TOP3B: variants seen among roughly 807,000 people sequenced by gnomAD.
TOP3B encodes the protein DNA topoisomerase 3-beta-1.
Under a neutral mutation model 93.9 loss-of-function variants are expected in TOP3B, and 45 were observed. The ratio of observed to expected loss-of-function variants is 0.48; its 90% CI spans 0.38 to 0.61. The LOEUF is 0.61. Among genes scored for constraint, TOP3B ranks in the 20% least tolerant of loss-of-function variants. TOP3B has a pLI of 0.00. For missense variants in TOP3B, 750 were observed against 1,156.1 expected (o/e 0.65, Z 5.09); for synonymous variants, 357 against 472.6 (o/e 0.76, Z 3.17).
At chr22:21,964,998 G>GAC in intron 9 of TOP3B, 1 of 297,580 alleles carries the variant, frequency 3.4e-6, no homozygotes. Context: ...AAAGACTGAG[G>GAC]AGATGAGGCT....
At chr22:21,959,520 C>G in intron 15 of TOP3B, 67 bp downstream of exon 15, 1 of 1,535,370 alleles carries the variant, frequency 6.5e-7, no homozygotes. Flanking sequence ...ACCTGGGTCC[C>G]CAGGTACTGG....
Position 21,971,976 on chromosome 22 carries a change from G to A in TOP3B, c.310-25C>T, listed in dbSNP as rs375649167. The A allele has an allele frequency of 2.7e-4, 426 of 1,605,890 alleles. 4 individuals carry two copies. In the Middle Eastern group the frequency reaches 0.011, roughly 42 times the overall value. On this transcript the variant is annotated intron_variant, in intron 4 of 17. Transcript: ENST00000357179. This position sits in a 1 kb window ranked among gnomAD's most constrained non-coding sequence, Gnocchi z 4.6. Reference sequence around the variant, plus strand: ...CCTGCCACACAGCACAGGTTCACACGTACCTGCTGCAGACCCGGTCTGTGC... The same window carrying A: ...CCTGCCACACAGCACAGGTTCACACATACCTGCTGCAGACCCGGTCTGTGC...
rs763337968 is a variant in TOP3B at position 21,960,486 on chromosome 22, T to C, written c.1526-37A>G. ...AAGGCCCCAGGGTTCCTGGCCTGCC[T>C]TGGACATGCCCCACTGAACCATGTG... On this transcript the variant is annotated intron_variant, in intron 13 of 17. Coordinates refer to ENST00000357179, the MANE Select transcript of TOP3B (RefSeq NM_001282112.2). 7 of 1,610,916 alleles carry C rather than the reference T, an allele frequency of 4.3e-6. No homozygotes were observed. In the East Asian group the frequency reaches 1.3e-4, roughly 31 times the overall value.
chr22:21,981,974 C>T (rs748937841), intron 1 of TOP3B, among the ~76,000 whole-genome samples: 3 of 152,098 alleles, frequency 2.0e-5, no homozygotes, highest in Non-Finnish European at 4.4e-5. Context: ...GTAGGCACAC[C>T]ATAGCTATCA....
chr22:21,960,555 C>T, intron 13 of TOP3B, 106 bp from the exon 14 acceptor site: 2 of 1,489,744 alleles, frequency 1.3e-6, no homozygotes, highest in Non-Finnish European at 1.8e-6. Context: ...GGCCCTCTCA[C>T]TGCTCCCGGT....
In TOP3B at chr22:21,970,170, A is replaced by T. The variant is rs201169425; in HGVS notation, c.581+40T>A. The T allele has an allele frequency of 6.3e-7, 1 of 1,589,640 alleles. No individual in the cohort carries two copies. The highest frequency in any genetic ancestry group is 1.1e-5 in the South Asian group (1 of 90,452). On this transcript the variant is annotated intron_variant, in intron 6 of 17. Coordinates refer to ENST00000357179, the MANE Select transcript of TOP3B (RefSeq NM_001282112.2). This position sits in a 1 kb window ranked among gnomAD's most constrained non-coding sequence, Gnocchi z 4.4. ...AGAGGCAGGTCTCTGGCTGAGGGAG[A>T]GTGAGGGTGTGCCCAGGACTCTGCG...
At position 21,958,348 on chromosome 22, in the gene TOP3B, C is replaced by A. The variant is rs1389625236; in HGVS notation, c.2107+144G>T. The A allele has an allele frequency of 2.7e-6, 4 of 1,497,472 alleles. No homozygotes were observed. The East Asian group carries it at 9.7e-5, about 36-fold the overall frequency. The allele number at this position is 1,497,472 out of a possible 1,614,324, so 92.8% of individuals were successfully genotyped here. ...GGCCTAAGCAGTGCCCCAGCTACAT[C>A]CAGGGTCTCTCGTCTCAGTGCCAAT... On this transcript the variant is annotated intron_variant, in intron 17 of 17. Coordinates refer to ENST00000357179, the MANE Select transcript of TOP3B (RefSeq NM_001282112.2).
Position 21,964,255 on chromosome 22 carries a change from C to G in TOP3B, c.1004G>C (p.Ser335Thr). Residue 335 changes from serine to threonine, a missense_variant, in exon 10 of 18, where the codon AGC becomes ACC. By Grantham distance (58) the Ser-to-Thr change is moderately conservative (BLOSUM62 1). This residue lies in a region of TOP3B where 737 missense variants were observed against 933.7 expected (regional missense o/e 0.79). Transcript: ENST00000357179. ...AERLYTQGYI[S>T]YPRTETTHYP... is the part of the protein sequence containing the mutation. Reference sequence around the variant, plus strand: ...GTGGGTGGTCTCTGTCCGTGGGTAGCTGATGTAGCCTTGCGTGTAGAGCCG... The same window carrying G: ...GTGGGTGGTCTCTGTCCGTGGGTAGGTGATGTAGCCTTGCGTGTAGAGCCG... 1 of 1,614,156 alleles carries G rather than the reference C, an allele frequency of 6.2e-7. No homozygotes were observed. Among genetic ancestry groups the G allele is most frequent in the East Asian group, 2.2e-5 (1 of 44,888 alleles).
At position 21,964,405 on chromosome 22, in the gene TOP3B, G is replaced by A. The variant is rs566476351; in HGVS notation, c.944-90C>T. ...CTATGCACTCAGGCTCCCCCATTGTGGCCGGCCCCTCCTGGAGGGTGACGG... is the reference window on the plus strand; with the variant it reads ...CTATGCACTCAGGCTCCCCCATTGTAGCCGGCCCCTCCTGGAGGGTGACGG... On this transcript the variant is annotated intron_variant, in intron 9 of 17. Coordinates refer to ENST00000357179, the MANE Select transcript of TOP3B (RefSeq NM_001282112.2). The A allele has an allele frequency of 7.3e-6, 11 of 1,510,538 alleles. No individual in the cohort carries two copies. In the South Asian group the frequency reaches 1.2e-4, roughly 16 times the overall value. The allele number at this position is 1,510,538 out of a possible 1,614,324, so 93.6% of individuals were successfully genotyped here. A position where few individuals can be genotyped will look rare whatever the true frequency, so the allele number is the denominator to read the frequency against.
intron 9 of TOP3B, 49 bp downstream of exon 9, chr22:21,965,236 C>T (rs377138718): frequency 8.3e-6 from 12 of 1,447,908 alleles, no homozygotes; most frequent in East Asian, 7.6e-5. Context: ...CCAGGCTGAA[C>T]CTGCCTCAGG....
rs1047946747 is a variant in TOP3B, at chr22:21,971,668, C to G, written c.384+209G>C. 1.1e-4 allele frequency: 68 copies of G among 615,126 alleles called. No individual in the cohort carries two copies. In the African/African-American group the frequency reaches 1.2e-3, roughly 11 times the overall value. The allele number at this position is 615,126 out of a possible 1,614,324, so 38.1% of individuals were successfully genotyped here. A position where few individuals can be genotyped will look rare whatever the true frequency, so the allele number is the denominator to read the frequency against. On this transcript the variant is annotated intron_variant, in intron 5 of 17. Coordinates refer to ENST00000357179, the MANE Select transcript of TOP3B (RefSeq NM_001282112.2). This position sits in a 1 kb window ranked among gnomAD's most constrained non-coding sequence, Gnocchi z 4.6. ...CTCATACCGTTGAGGCCTCAGCAAG[C>G]GGAGGAACAACTGACCACCTTTAAT...
In TOP3B at chr22:21,959,709, C is replaced by T. The variant is rs755097365; in HGVS notation, c.1682G>A (p.Arg561His). The T allele has an allele frequency of 7.4e-6, 12 of 1,613,232 alleles. No individual in the cohort carries two copies. Among genetic ancestry groups the T allele is most frequent in the Middle Eastern group, 3.3e-4 (2 of 6,072 alleles). The change falls in exon 15 of 18, where the codon CGC becomes CAC. Residue 561 changes from arginine to histidine, a missense_variant. Physicochemically the swap from Arg to His is conservative, Grantham distance 29. Around this residue, in one of 4 missense-constraint regions of TOP3B, gnomAD observed 737 missense variants for 933.7 expected, o/e 0.79. Transcript: ENST00000357179. ...GTTCAGCTGCTTCTCCACTGCACTG[C>T]GGATGGTGGGGAGCACCAGCTCTGC... Reference protein sequence around the residue: ...IDAELVLPTIRSAVEKQLNLI... With the variant: ...IDAELVLPTIHSAVEKQLNLI...
chr22:21,981,679 C>A (rs1314393493), intron 1 of TOP3B, among the ~76,000 whole-genome samples: 1 of 152,114 alleles, frequency 6.6e-6, no homozygotes, highest in South Asian at 2.1e-4. Flanking sequence ...TGCCTGTAAT[C>A]CCAGCTACTC....
chr22:21,967,820 C>A lies in TOP3B; in HGVS notation c.739-104G>T, dbSNP rs9607460. ...ATGAAGCTGGTCCTTGTCTGGGAGC[C>A]AAATAGCCCTGGCTGTAATGGCTCA... On this transcript the variant is annotated intron_variant, in intron 7 of 17. Transcript: ENST00000357179. 93,768 of 849,864 alleles carry A rather than the reference C, an allele frequency of 0.11. 5,623 individuals are homozygous for A. Among genetic ancestry groups the A allele is most frequent in the African/African-American group, 0.14 (8,273 of 60,086 alleles). 52.6% of individuals were successfully genotyped at this position (849,864 alleles called of 1,614,324 possible).
rs557742250 is a variant in TOP3B at position 21,974,678 on chromosome 22, A to G, written c.71-190T>C. The G allele has an allele frequency of 1.4e-4, 80 of 586,330 alleles. No homozygotes were observed. In the South Asian group the frequency reaches 1.6e-3, roughly 11 times the overall value. 36.3% of individuals were successfully genotyped at this position (586,330 alleles called of 1,614,324 possible). The stretch of plus-strand genomic sequence containing the variant: ...TGGGACGGCGCTCAGGGAAAACAGC[A>G]TCTGCCAACAACCTAGCACAGAGCA... On this transcript the variant is annotated intron_variant, in intron 2 of 17. Transcript: ENST00000357179.
chr22:21,979,262 C>T (rs561415018), intron 1 of TOP3B, among the ~76,000 whole-genome samples: 5 of 151,982 alleles, frequency 3.3e-5, no homozygotes, highest in African/African-American at 1.2e-4. Context: ...AGGGTGTGCT[C>T]TGTGGGGTCC....
chr22:21,965,077 A>G lies in TOP3B; in HGVS notation c.943+208T>C, dbSNP rs961451237. The G allele has an allele frequency of 6.0e-5, 24 of 403,248 alleles. No individual in the cohort carries two copies. The East Asian group carries it at 8.4e-4, about 14-fold the overall frequency. The allele number at this position is 403,248 out of a possible 1,614,324, so 25.0% of individuals were successfully genotyped here. A position where few individuals can be genotyped will look rare whatever the true frequency, so the allele number is the denominator to read the frequency against. On this transcript the variant is annotated intron_variant, in intron 9 of 17. Coordinates refer to ENST00000357179, the MANE Select transcript of TOP3B (RefSeq NM_001282112.2). ...TGGGGCCTCTCCCCTCACCAGGGAT[A>G]GCTGCTCAGGGACTCTAACATCAGG... is the stretch of plus-strand genomic sequence containing the variant.
At chr22:21,965,236 C>G (rs377138718) in intron 9 of TOP3B, 49 bp downstream of exon 9, 2 of 1,447,790 alleles carry the variant, frequency 1.4e-6, no homozygotes, top group East Asian at 5.1e-5. Context: ...CCAGGCTGAA[C>G]CTGCCTCAGG....
chr22:21,975,760 T>C lies in TOP3B; in HGVS notation c.-51A>G. On this transcript the variant is annotated 5_prime_UTR_variant, in exon 2 of 18. Coordinates refer to ENST00000357179, the MANE Select transcript of TOP3B (RefSeq NM_001282112.2). ...TTTCGGGGCACTGGCAATGAAAAAG[T>C]TTAGACTCCACTCTTCCGCAGCACA... 1.3e-6 allele frequency: 2 copies of C among 1,581,208 alleles called. No individual in the cohort carries two copies. The highest frequency in any genetic ancestry group is 1.3e-5 in the African/African-American group (1 of 74,332).
Sources: allele counts gnomAD v4.1 joint callset (sites outside exome capture counted in the v4.1 genomes callset), GRCh38; gene constraint gnomAD v4.1.1; regional missense constraint gnomAD v4.1.1; non-coding constraint Gnocchi (gnomAD v3.1); transcripts MANE v1.5; gene names NCBI Gene and HGNC (gene_info 2026-07-23, HGNC 2026-07-21).